The following DHX37 variants were observed in gnomAD, a reference collection of about 807,000 sequenced individuals.
DHX37 encodes the protein DEAH-box helicase 37, also known as probable ATP-dependent RNA helicase DHX37.
In DHX37, 52 loss-of-function variants were observed where a neutral mutation model predicts 134.3. The observed-to-expected ratio is 0.39, with a 90% confidence interval of 0.31 to 0.49. The LOEUF is 0.49. Ranked by LOEUF, DHX37 falls within the 20% of genes least tolerant of loss-of-function variation. The probability of loss-of-function intolerance (pLI) is 0.93; values close to 1 mark genes in which losing one functional copy is unlikely to be tolerated. For synonymous variants in DHX37, 634 were observed against 670.7 expected (o/e 0.95, Z 0.85); for missense variants, 1,344 against 1,580.8 (o/e 0.85, Z 2.54).
rs1954734489 is a variant in DHX37 at position 124,980,475 on chromosome 12, C to T, written c.738+15G>A. ...GCTAACCTAGATTCTTAATCACAAA[C>T]ACGGGGTGGCGAACCTGCATTTCCG... is the stretch of plus-strand genomic sequence containing the variant. On this transcript the variant is annotated intron_variant, in intron 4 of 26. Transcript: ENST00000308736. The surrounding 1 kb of genome is among the most constrained non-coding windows in gnomAD (Gnocchi z 5.3). The T allele has an allele frequency of 6.2e-7, 1 of 1,605,058 alleles. No homozygotes were observed. The highest frequency in any genetic ancestry group is 8.5e-7 in the Non-Finnish European group (1 of 1,177,750).
intron 21 of DHX37, 54 bp from the exon 22 acceptor site, chr12:124,950,858 C>T (rs1170215493): frequency 2.0e-5 from 31 of 1,513,480 alleles, no homozygotes; most frequent in East Asian, 1.0e-4. Flanking sequence ...CCAGGGGCTC[C>T]GCATACTTTC....
intron 15 of DHX37, among the ~76,000 whole-genome samples, chr12:124,961,306 GCACA>G (rs1227350147): frequency 1.6e-4 from 23 of 145,326 alleles, no homozygotes; most frequent in African/African-American, 5.3e-4. Context: ...GTGCACGCAC[GCACA>G]CACACTTACA....
At chr12:124,963,223 C>A (rs541730735) in intron 15 of DHX37, among the ~76,000 whole-genome samples, 2 of 152,220 alleles carry the variant, frequency 1.3e-5, no homozygotes, top group African/African-American at 4.8e-5. Context: ...GAAAACTCAC[C>A]GTGCTGAGCG....
At chr12:124,969,021 A>G (rs1417742949) in intron 8 of DHX37, 53 bp from the exon 9 acceptor site, 1 of 1,566,024 alleles carries the variant, frequency 6.4e-7, no homozygotes, top group African/African-American at 1.4e-5. Flanking sequence ...GGTGGGTCTG[A>G]AGCCTGGGAA....
chr12:124,972,163 T>C (rs1954536776), intron 7 of DHX37, among the ~76,000 whole-genome samples: 1 of 152,214 alleles, frequency 6.6e-6, no homozygotes. Context: ...CCACAGGCTT[T>C]CAGTACACCC....
chr12:124,952,640 A>C, intron 20 of DHX37, 70 bp from the exon 21 acceptor site: 1 of 1,468,068 alleles, frequency 6.8e-7, no homozygotes, highest in Admixed American at 2.2e-5. Flanking sequence ...GACCTCCTAG[A>C]AAGTCCCAAC....
intron 5 of DHX37, 60 bp downstream of exon 5, chr12:124,977,282 T>C (rs1294312872): frequency 6.8e-7 from 1 of 1,462,642 alleles, no homozygotes; most frequent in Non-Finnish European, 9.0e-7. Flanking sequence ...CTTATCGACC[T>C]TTCAGGGCAT....
In DHX37 at chr12:124,964,987, G is replaced by A. The variant is rs561149104; in HGVS notation, c.1755C>T (p.Ser585=). 6.3e-7 allele frequency: 1 copy of A among 1,597,402 alleles called. No homozygotes were observed. Among genetic ancestry groups the A allele is most frequent in the Non-Finnish European group, 8.5e-7 (1 of 1,173,784 alleles). ...GQDGGEQPDA[S]LPLHVLPLYS... ...ACAGCGGGAGCACGTGGAGCGGGAG[G>A]GAGGCATCCGGCTGCTCACCTGGAG... Residue 585 remains serine, a synonymous_variant, in exon 14 of 27, where the codon TCC becomes TCT. Coordinates refer to ENST00000308736, the MANE Select transcript of DHX37 (RefSeq NM_032656.4).
At position 124,952,920 on chromosome 12, in the gene DHX37, G is replaced by A. The variant is rs143525448; in HGVS notation, c.2696-350C>T. On this transcript the variant is annotated intron_variant, in intron 20 of 26. Coordinates refer to ENST00000308736, the MANE Select transcript of DHX37 (RefSeq NM_032656.4). ...TGGAATTCCTGGGAACGTTCAATAC[G>A]GGAACAGGACAGCCGGCGGGTGCCC... The A allele has an allele frequency of 4.1e-3, 678 of 166,666 alleles. 5 individuals carry two copies. The highest frequency in any genetic ancestry group is 0.025 in the Middle Eastern group (9 of 366). 10.3% of individuals were successfully genotyped at this position (166,666 alleles called of 1,614,324 possible).
At position 124,946,990 on chromosome 12, in the gene DHX37, G is replaced by A. The variant is rs1953889936; in HGVS notation, c.*812C>T. On this transcript the variant is annotated 3_prime_UTR_variant, in exon 27 of 27. Transcript: ENST00000308736. ...TCCCGACTCCTTGGTCCTGCCTGGG[G>A]TGCTCCTGTCCCTCTTTCTTGCTGG... 2 of 152,378 alleles carry A rather than the reference G, an allele frequency of 1.3e-5. No homozygotes were observed. Among genetic ancestry groups the A allele is most frequent in the Non-Finnish European group, 2.9e-5 (2 of 68,166 alleles). The allele number at this position is 152,378 out of a possible 1,614,324, so 9.4% of individuals were successfully genotyped here.
At chr12:124,959,902 A>G (rs1954193506) in intron 16 of DHX37, among the ~76,000 whole-genome samples, 1 of 152,206 alleles carries the variant, frequency 6.6e-6, no homozygotes, top group Admixed American at 6.5e-5. Context: ...GACAGCACGC[A>G]GCGTGGCACG....
At chr12:124,972,651 C>A (rs371710352) in intron 6 of DHX37, 52 bp from the exon 7 acceptor site, 1 of 1,584,248 alleles carries the variant, frequency 6.3e-7, no homozygotes, top group African/African-American at 1.3e-5. Flanking sequence ...CTGGGGCTGT[C>A]GCCACGGGGC....
Position 124,965,020 on chromosome 12 carries a change from A to AGAGGT in DHX37, c.1736-19_1736-15dup. 1.9e-6 allele frequency: 3 copies of AGAGGT among 1,588,218 alleles called. No individual in the cohort carries two copies. Among genetic ancestry groups the AGAGGT allele is most frequent in the Non-Finnish European group, 2.6e-6 (3 of 1,169,120 alleles). On this transcript the variant is annotated splice_polypyrimidine_tract_variant and intron_variant, in intron 13 of 26. Transcript: ENST00000308736. Reference sequence around the variant, plus strand: ...CCGGCTGCTCACCTGGAGGGAAAGCAGAGGTCACTGGCACCCAGGCCGGGA... The same window carrying AGAGGT: ...CCGGCTGCTCACCTGGAGGGAAAGCAGAGGTGAGGTCACTGGCACCCAGGCCGGGA...
chr12:124,972,324 A>G (rs969383879), intron 7 of DHX37, among the ~76,000 whole-genome samples, 179 bp downstream of exon 7: 2 of 152,238 alleles, frequency 1.3e-5, no homozygotes, highest in African/African-American at 4.8e-5. Context: ...ATGCACCAAC[A>G]TACTCATCAA....
chr12:124,962,292 C>A (rs1954281290), intron 15 of DHX37, among the ~76,000 whole-genome samples: 1 of 152,200 alleles, frequency 6.6e-6, no homozygotes, highest in Admixed American at 6.5e-5. Context: ...ATAATCCCAG[C>A]ACTTTGGGAG....
At chr12:124,978,241 A>C (rs12318795) in intron 4 of DHX37, among the ~76,000 whole-genome samples, 88,527 of 151,046 alleles carry the variant, frequency 0.59, 26,326 homozygotes, top group South Asian at 0.71. Flanking sequence ...GATTACAGGC[A>C]TGAGCCACCA....
intron 15 of DHX37, among the ~76,000 whole-genome samples, chr12:124,961,671 C>A (rs1247133690): frequency 6.6e-6 from 1 of 152,206 alleles, no homozygotes; most frequent in Non-Finnish European, 1.5e-5. Context: ...TTGTGATCTG[C>A]CCGCCTCATC....
intron 1 of DHX37, among the ~76,000 whole-genome samples, chr12:124,987,853 C>A (rs1954904758): frequency 6.6e-6 from 1 of 152,096 alleles, no homozygotes; most frequent in African/African-American, 2.4e-5. Context: ...TGTTGACACT[C>A]AAAAACTTTT....
rs375307340 is a variant in DHX37, at chr12:124,950,560, G to A, written c.2984-10C>T. The A allele has an allele frequency of 1.7e-5, 27 of 1,545,176 alleles. No homozygotes were observed. Among genetic ancestry groups the A allele is most frequent in the African/African-American group, 1.1e-4 (8 of 72,584 alleles). Reference sequence around the variant, plus strand: ...TCCACGCTAGAGACGCCTGGGGGCCGGGGGAGGAAGCTGGGGTTACAGCGG... The same window carrying A: ...TCCACGCTAGAGACGCCTGGGGGCCAGGGGAGGAAGCTGGGGTTACAGCGG... On this transcript the variant is annotated splice_polypyrimidine_tract_variant and intron_variant, in intron 22 of 26. Transcript: ENST00000308736.
Sources: gnomAD v4.1 joint callset for allele counts (sites outside exome capture counted in the v4.1 genomes callset) on GRCh38, gnomAD v4.1.1 for gene constraint, Gnocchi (gnomAD v3.1) non-coding constraint, MANE v1.5 for transcripts, NCBI Gene and HGNC (gene_info 2026-07-23, HGNC 2026-07-21) for gene names.